The following GALNTL6 variants were observed in gnomAD, a reference collection of about 807,000 sequenced individuals.
The protein encoded by GALNTL6 is polypeptide N-acetylgalactosaminyltransferase-like 6.
Under a neutral mutation model 73.7 loss-of-function variants are expected in GALNTL6, and 46 were observed. That is an observed-to-expected ratio of 0.62 (90% CI 0.49 to 0.80). GALNTL6 has a LOEUF of 0.80. Ranked by LOEUF, GALNTL6 falls within the 30% of genes least tolerant of loss-of-function variation. GALNTL6 has a pLI of 0.00. For synonymous variants in GALNTL6, 259 were observed against 263.7 expected (o/e 0.98, Z 0.17); for missense variants, 604 against 755.0 (o/e 0.80, Z 2.34).
chr4:172,298,427 G>A (rs993706362), intron 3 of GALNTL6, among the ~76,000 whole-genome samples: 2 of 152,148 alleles, frequency 1.3e-5, no homozygotes, highest in Non-Finnish European at 2.9e-5. Context: ...TCCCTGTCTT[G>A]TGCCGGTATT....
At chr4:172,583,209 C>T (rs1432445550) in intron 5 of GALNTL6, among the ~76,000 whole-genome samples, 2 of 152,118 alleles carry the variant, frequency 1.3e-5, no homozygotes, top group Non-Finnish European at 2.9e-5. Flanking sequence ...AAAATACTCA[C>T]TAGGTTTCAG....
chr4:172,005,004 A>G (rs1740792035), intron 2 of GALNTL6, among the ~76,000 whole-genome samples: 1 of 152,164 alleles, frequency 6.6e-6, no homozygotes. Context: ...TAAGTTTTTC[A>G]TAAAATACTG....
chr4:171,871,841 A>G (rs1001920981), intron 2 of GALNTL6, among the ~76,000 whole-genome samples: 3 of 152,192 alleles, frequency 2.0e-5, no homozygotes, highest in Admixed American at 6.5e-5. Flanking sequence ...TGAGCCTTCA[A>G]AAGAGCTCTA....
At chr4:172,525,943 T>C (rs1260019091) in intron 5 of GALNTL6, among the ~76,000 whole-genome samples, 2 of 152,174 alleles carry the variant, frequency 1.3e-5, no homozygotes, top group African/African-American at 4.8e-5. Context: ...ATAATGAAAA[T>C]ATATTTTATT....
intron 12 of GALNTL6, among the ~76,000 whole-genome samples, chr4:173,022,902 T>C (rs942847464): frequency 2.0e-5 from 3 of 152,248 alleles, no homozygotes; most frequent in Admixed American, 6.5e-5. Flanking sequence ...TCAAATTCTT[T>C]GCTTTTGGGG....
At chr4:172,663,223 A>G (rs1731474235) in intron 5 of GALNTL6, among the ~76,000 whole-genome samples, 1 of 152,192 alleles carries the variant, frequency 6.6e-6, no homozygotes, top group South Asian at 2.1e-4. Flanking sequence ...CTATAATAGT[A>G]TCACTCTGGG....
intron 3 of GALNTL6, among the ~76,000 whole-genome samples, chr4:172,263,570 T>G (rs1445149905): frequency 6.6e-6 from 1 of 151,418 alleles, no homozygotes; most frequent in Non-Finnish European, 1.5e-5. Flanking sequence ...GATATCTCCT[T>G]GAGTAGCTAC....
intron 2 of GALNTL6, among the ~76,000 whole-genome samples, chr4:171,881,424 G>A (rs1240679371): frequency 6.6e-6 from 1 of 152,124 alleles, no homozygotes; most frequent in Non-Finnish European, 1.5e-5. Flanking sequence ...GATCATGGGG[G>A]CAGGGAGGCT....
chr4:172,285,999 A>G (rs561494278), intron 3 of GALNTL6, among the ~76,000 whole-genome samples: 2 of 152,342 alleles, frequency 1.3e-5, no homozygotes, highest in South Asian at 4.1e-4. Flanking sequence ...CTGAGAATAA[A>G]AACTACAGGA....
chr4:171,839,738 C>T (rs1463776776), intron 2 of GALNTL6, among the ~76,000 whole-genome samples: 2 of 151,176 alleles, frequency 1.3e-5, no homozygotes, highest in African/African-American at 4.9e-5. Context: ...AAGGTTAAAA[C>T]TAAGTGGATG....
At chr4:172,712,782 C>T (rs1734793088) in intron 5 of GALNTL6, among the ~76,000 whole-genome samples, 1 of 152,084 alleles carries the variant, frequency 6.6e-6, no homozygotes, top group South Asian at 2.1e-4. Flanking sequence ...ATAACTATCA[C>T]CTGTCATAAT....
At chr4:171,830,001 T>C (rs1734925709) in intron 2 of GALNTL6, among the ~76,000 whole-genome samples, 1 of 151,880 alleles carries the variant, frequency 6.6e-6, no homozygotes, top group African/African-American at 2.4e-5. Context: ...GATGGACAGA[T>C]TAAAAGACAC....
chr4:172,884,311 G>A (rs538654455), intron 8 of GALNTL6, among the ~76,000 whole-genome samples: 2 of 152,070 alleles, frequency 1.3e-5, no homozygotes, highest in South Asian at 4.1e-4. Flanking sequence ...ATAATAGCCA[G>A]TTTAACTTGG....
chr4:172,723,112 T>A (rs889635770), intron 5 of GALNTL6, among the ~76,000 whole-genome samples: 1 of 152,176 alleles, frequency 6.6e-6, no homozygotes, highest in African/African-American at 2.4e-5. Flanking sequence ...GTTGAATTTC[T>A]CCAACCACTC....
At chr4:172,664,988 C>T (rs1342500360) in intron 5 of GALNTL6, among the ~76,000 whole-genome samples, 6 of 152,136 alleles carry the variant, frequency 3.9e-5, no homozygotes, top group Admixed American at 3.3e-4. Context: ...GTTTGAAAAG[C>T]CTAAAATCCT....
intron 2 of GALNTL6, among the ~76,000 whole-genome samples, chr4:172,034,018 C>T (rs1318140887): frequency 1.3e-5 from 2 of 152,056 alleles, no homozygotes; most frequent in East Asian, 3.9e-4. Context: ...ATTGTTTTCT[C>T]AGCATAACCT....
chr4:172,345,930 G>A (rs1487291646), intron 4 of GALNTL6, among the ~76,000 whole-genome samples: 4 of 152,166 alleles, frequency 2.6e-5, no homozygotes, highest in Non-Finnish European at 2.9e-5. Flanking sequence ...CCCACCATAC[G>A]ACTATTTATT....
chr4:173,010,854 C>T (rs1421776780), intron 11 of GALNTL6, among the ~76,000 whole-genome samples: 1 of 151,662 alleles, frequency 6.6e-6, no homozygotes, highest in African/African-American at 2.4e-5. Flanking sequence ...ATCTGCCCAC[C>T]TTGGCCTCCC....
chr4:172,808,764 T>G (rs758797851), intron 5 of GALNTL6, among the ~76,000 whole-genome samples: 1 of 152,202 alleles, frequency 6.6e-6, no homozygotes, highest in Non-Finnish European at 1.5e-5. Context: ...GAATCTTTAA[T>G]AGGTAAGTTC....
Sources: allele counts gnomAD v4.1 joint callset (sites outside exome capture counted in the v4.1 genomes callset), GRCh38; gene constraint gnomAD v4.1.1; transcripts MANE v1.5; gene names NCBI Gene and HGNC (gene_info 2026-07-23, HGNC 2026-07-21).